The following HABP4 variants were observed in gnomAD, a reference collection of about 807,000 sequenced individuals.
The protein encoded by HABP4 is intracellular hyaluronan-binding protein 4.
In HABP4, 32 loss-of-function variants were observed where a neutral mutation model predicts 44.1. The ratio of observed to expected loss-of-function variants is 0.73; its 90% CI spans 0.55 to 0.97. The LOEUF (loss-of-function observed/expected upper bound fraction) is 0.97, where lower values mean the gene tolerates loss of function less well. Ranked by LOEUF, HABP4 falls within the 50% of genes least tolerant of loss-of-function variation. The pLI is 0.00. For missense variants in HABP4, 503 were observed against 561.9 expected, an observed-to-expected ratio of 0.90 and a Z score of 1.06; for synonymous variants, 216 against 218.0, an observed-to-expected ratio of 0.99 and a Z score of 0.08.
intron 5 of HABP4, 44 bp from the exon 6 acceptor site, chr9:96,484,418 G>A (rs752111532): frequency 3.5e-6 from 3 of 855,706 alleles, no homozygotes; most frequent in Admixed American, 4.8e-5. Context: ...AGACATTTTA[G>A]TACCATCAAA....
At chr9:96,465,242 A>G (rs1392167309) in intron 2 of HABP4, 95 bp from the exon 3 acceptor site, 2 of 762,788 alleles carry the variant, frequency 2.6e-6, no homozygotes, top group East Asian at 2.5e-5. Context: ...CATTCTTTCC[A>G]GTATACTATA....
At chr9:96,458,618 C>CT (rs1832443195) in intron 2 of HABP4, 77 bp downstream of exon 2, 3 of 830,608 alleles carry the variant, frequency 3.6e-6, no homozygotes, top group Non-Finnish European at 3.7e-6. Context: ...TTTTTCTTTT[C>CT]TTTCTTTCTT....
intron 5 of HABP4, among the ~76,000 whole-genome samples, chr9:96,473,153 A>G (rs1832724251): frequency 6.6e-6 from 1 of 152,078 alleles, no homozygotes; most frequent in South Asian, 2.1e-4. Context: ...TAACTCTGGA[A>G]TATGTATCTC....
At chr9:96,468,228 G>C (rs964653820) in intron 4 of HABP4, among the ~76,000 whole-genome samples, 1 of 150,498 alleles carries the variant, frequency 6.6e-6, no homozygotes, top group African/African-American at 2.4e-5. Flanking sequence ...GACTACAGGC[G>C]CATGCCACCA....
At chr9:96,471,925 G>A (rs1047832296) in intron 5 of HABP4, among the ~76,000 whole-genome samples, 6 of 152,106 alleles carry the variant, frequency 3.9e-5, no homozygotes, top group Non-Finnish European at 5.9e-5. Context: ...GAGTAGCTGG[G>A]ATTACAGGCA....
At chr9:96,469,505 T>A (rs921571651) in intron 4 of HABP4, among the ~76,000 whole-genome samples, 3 of 152,208 alleles carry the variant, frequency 2.0e-5, no homozygotes, top group African/African-American at 4.8e-5. Context: ...TATATCTTTC[T>A]TCTGATAAAT....
chr9:96,452,677 T>C (rs529573619), intron 1 of HABP4, among the ~76,000 whole-genome samples: 2 of 152,316 alleles, frequency 1.3e-5, no homozygotes, highest in African/African-American at 4.8e-5. Context: ...TTTCCATTTA[T>C]GTAGTTACTG....
intron 1 of HABP4, among the ~76,000 whole-genome samples, chr9:96,452,101 C>T (rs1040496393): frequency 6.6e-6 from 1 of 151,888 alleles, no homozygotes; most frequent in Non-Finnish European, 1.5e-5. Flanking sequence ...GTGGCGGGCA[C>T]CTGTAGGTCC....
chr9:96,490,284 A>T lies in HABP4; in HGVS notation c.*246A>T. ...ATTGAAGGAATTTCAAATGAAGAAT[A>T]ATGTTTAAAATGTGTATATAGAGAT... On this transcript the variant is annotated 3_prime_UTR_variant, in exon 8 of 8. Transcript: ENST00000375249. 1.8e-6 allele frequency: 1 copy of T among 548,552 alleles called. No homozygotes were observed. The highest frequency in any genetic ancestry group is 3.3e-6 in the Non-Finnish European group (1 of 307,134). 34.0% of individuals were successfully genotyped at this position (548,552 alleles called of 1,614,324 possible). A position where few individuals can be genotyped will look rare whatever the true frequency, so the allele number is the denominator to read the frequency against.
At chr9:96,457,322 C>G (rs1054842530) in intron 1 of HABP4, among the ~76,000 whole-genome samples, 1 of 151,588 alleles carries the variant, frequency 6.6e-6, no homozygotes, top group African/African-American at 2.4e-5. Context: ...GCCTGGGCAA[C>G]AAGAGTGAAA....
In HABP4 at chr9:96,490,705, G is replaced by A. The variant is rs1833077430; in HGVS notation, c.*667G>A. ...GTGCACACACACATCTAGTGTTTGG[G>A]TGGTTTTTAGGAAGAATATTAAGTA... On this transcript the variant is annotated 3_prime_UTR_variant, in exon 8 of 8. Coordinates refer to ENST00000375249, the MANE Select transcript of HABP4 (RefSeq NM_014282.4). 1 of 152,092 alleles carries A rather than the reference G, an allele frequency of 6.6e-6. No homozygotes were observed. The highest frequency in any genetic ancestry group is 1.9e-4 in the East Asian group (1 of 5,182). The allele number at this position is 152,092 out of a possible 1,614,324, so 9.4% of individuals were successfully genotyped here.
chr9:96,465,590 G>T, intron 3 of HABP4, 92 bp downstream of exon 3: 1 of 1,139,564 alleles, frequency 8.8e-7, no homozygotes, highest in East Asian at 2.3e-5. Flanking sequence ...TAACTTTATA[G>T]TACTGTGCTG....
chr9:96,468,456 T>G (rs1009185208), intron 4 of HABP4, among the ~76,000 whole-genome samples: 1 of 152,178 alleles, frequency 6.6e-6, no homozygotes, highest in African/African-American at 2.4e-5. Context: ...AGATGGGTTT[T>G]CACCCTGTTA....
intron 1 of HABP4, among the ~76,000 whole-genome samples, chr9:96,452,921 T>G (rs1832311166): frequency 7.0e-6 from 1 of 143,296 alleles, no homozygotes; most frequent in African/African-American, 2.6e-5. Context: ...GTTTTTTTTT[T>G]TTTTTTTTTT....
intron 1 of HABP4, among the ~76,000 whole-genome samples, chr9:96,454,031 CTAA>C (rs1221462082): frequency 6.6e-6 from 1 of 152,072 alleles, no homozygotes; most frequent in Non-Finnish European, 1.5e-5. Context: ...GATAATTATT[CTAA>C]TAAGTAGCCA....
chr9:96,488,207 G>A lies in HABP4; in HGVS notation c.1118G>A (p.Gly373Glu). ...CCTCGTCCTGGGCGTGGAGCCAGAG[G>A]AGGCACCCGGGGAGGCCGGGGAAGG... The part of the protein sequence containing the change: ...NLPRPGRGAR[G>E]GTRGGRGRIR... Residue 373 changes from glycine to glutamate, a missense_variant, in exon 7 of 8, where the codon GGA becomes GAA. Physicochemically the swap from Gly to Glu is moderately conservative, Grantham distance 98. Transcript: ENST00000375249. The surrounding 1 kb of genome is among the most constrained non-coding windows in gnomAD (Gnocchi z 4.6). 6.2e-7 allele frequency: 1 copy of A among 1,613,876 alleles called. No individual in the cohort carries two copies. Among genetic ancestry groups the A allele is most frequent in the South Asian group, 1.1e-5 (1 of 91,080 alleles).
At chr9:96,465,108 G>T (rs1832576918) in intron 2 of HABP4, among the ~76,000 whole-genome samples, 1 of 152,098 alleles carries the variant, frequency 6.6e-6, no homozygotes, top group Non-Finnish European at 1.5e-5. Context: ...GGCAATAATT[G>T]TATATTAAAG....
intron 1 of HABP4, among the ~76,000 whole-genome samples, chr9:96,455,539 G>A (rs968151939): frequency 6.6e-6 from 1 of 151,634 alleles, no homozygotes; most frequent in Non-Finnish European, 1.5e-5. Context: ...TGAGGCGGGT[G>A]GATCACCTGA....
At position 96,488,310 on chromosome 9, in the gene HABP4, T is replaced by C; in HGVS notation, c.1185+36T>C. ...GTATTGACGGTTTGGCGAAAGAAGT[T>C]AATAAGGACAGTGCCCTGGGCCCAG... On this transcript the variant is annotated intron_variant, in intron 7 of 7. Transcript: ENST00000375249. This position sits in a 1 kb window ranked among gnomAD's most constrained non-coding sequence, Gnocchi z 4.6. The C allele has an allele frequency of 6.8e-7, 1 of 1,474,820 alleles. No homozygotes were observed. The highest frequency in any genetic ancestry group is 1.2e-5 in the South Asian group (1 of 85,828). 91.4% of individuals were successfully genotyped at this position (1,474,820 alleles called of 1,614,324 possible).
Sources: gnomAD v4.1 joint callset for allele counts (sites outside exome capture counted in the v4.1 genomes callset) on GRCh38, gnomAD v4.1.1 for gene constraint, Gnocchi (gnomAD v3.1) non-coding constraint, MANE v1.5 for transcripts, NCBI Gene and HGNC (gene_info 2026-07-23, HGNC 2026-07-21) for gene names.